Variants in PDE5A observed in about 807,000 individuals in gnomAD.
PDE5A encodes cGMP-specific 3',5'-cyclic phosphodiesterase.
A neutral mutation model predicts 110.2 loss-of-function variants in PDE5A; 67 were observed. That is an observed-to-expected ratio of 0.61 (90% CI 0.50 to 0.75). The LOEUF (loss-of-function observed/expected upper bound fraction) is 0.75, where lower values mean the gene tolerates loss of function less well. PDE5A is among the 30% of genes least tolerant of loss of function. PDE5A has a pLI of 0.00. For missense variants in PDE5A, 862 were observed against 1,045.1 expected (o/e 0.82, Z 2.42); for synonymous variants, 328 against 351.2 (o/e 0.93, Z 0.74).
At chr4:119,587,566 A>G (rs951329428) in intron 3 of PDE5A, among the ~76,000 whole-genome samples, 1 of 151,970 alleles carries the variant, frequency 6.6e-6, no homozygotes, top group South Asian at 2.1e-4. Context: ...TTGTATTTTT[A>G]GTAGAGACGG....
chr4:119,517,692 GTTT>G (rs377742398), intron 14 of PDE5A, among the ~76,000 whole-genome samples: 1 of 141,842 alleles, frequency 7.1e-6, no homozygotes, highest in South Asian at 2.3e-4. Context: ...ATAGTTGAGT[GTTT>G]TTTTTTTCAC....
chr4:119,504,710 G>A, intron 17 of PDE5A, 111 bp from the exon 18 acceptor site: 1 of 698,864 alleles, frequency 1.4e-6, no homozygotes, highest in Non-Finnish European at 2.3e-6. Context: ...CAATGGAAAT[G>A]GCAGTTTATA....
chr4:119,500,606 G>GACA (rs1725274263), intron 20 of PDE5A, among the ~76,000 whole-genome samples: 1 of 151,818 alleles, frequency 6.6e-6, no homozygotes, highest in African/African-American at 2.4e-5. Flanking sequence ...CAAAGACAAA[G>GACA]ACAACTTCTT....
At chr4:119,597,304 G>GTTTTTTTTTTTTTT (rs33944872) in intron 2 of PDE5A, among the ~76,000 whole-genome samples, 1 of 144,934 alleles carries the variant, frequency 6.9e-6, no homozygotes, top group Non-Finnish European at 1.5e-5. Context: ...CTCTGTGAGG[G>GTTTTTTTTTTTTTT]TTTTTTTTTT....
intron 14 of PDE5A, among the ~76,000 whole-genome samples, chr4:119,515,480 A>C (rs1401786525): frequency 6.6e-6 from 1 of 152,154 alleles, no homozygotes; most frequent in East Asian, 1.9e-4. Flanking sequence ...CCTTGAAAAA[A>C]ACACATTCGT....
rs917942885 is a variant in PDE5A, at chr4:119,563,101, A to C, written c.994-131T>G. The C allele has an allele frequency of 1.5e-5, 9 of 616,220 alleles. No homozygotes were observed. In the African/African-American group the frequency reaches 1.5e-4, roughly 11 times the overall value. The allele number at this position is 616,220 out of a possible 1,614,324, so 38.2% of individuals were successfully genotyped here. On this transcript the variant is annotated intron_variant, in intron 5 of 20. Transcript: ENST00000354960. ...ATCAAGTCTGCATTCAAATATAAATACGTCTCCACTTATTAACAAAATCCT... is the reference window on the plus strand; with the variant it reads ...ATCAAGTCTGCATTCAAATATAAATCCGTCTCCACTTATTAACAAAATCCT...
At chr4:119,611,390 A>C (rs1295367666) in intron 1 of PDE5A, among the ~76,000 whole-genome samples, 3 of 152,236 alleles carry the variant, frequency 2.0e-5, no homozygotes, top group Admixed American at 1.3e-4. Context: ...TGAATAAATA[A>C]ATGAAGCCTC....
At chr4:119,567,635 T>C (rs1727988961) in intron 3 of PDE5A, among the ~76,000 whole-genome samples, 1 of 152,146 alleles carries the variant, frequency 6.6e-6, no homozygotes, top group Admixed American at 6.6e-5. Context: ...CAAAAATAAT[T>C]CTTAATGTAG....
In PDE5A at chr4:119,563,078, C is replaced by T. The variant is rs145302104; in HGVS notation, c.994-108G>A. Reference sequence around the variant, plus strand: ...TTTATATAACCTAGCAGGTTATGATCAAGTCTGCATTCAAATATAAATACG... The same window carrying T: ...TTTATATAACCTAGCAGGTTATGATTAAGTCTGCATTCAAATATAAATACG... On this transcript the variant is annotated intron_variant, in intron 5 of 20. Coordinates refer to ENST00000354960, the MANE Select transcript of PDE5A (RefSeq NM_001083.4). The T allele has an allele frequency of 3.8e-3, 3,154 of 833,906 alleles. 47 individuals are homozygous for T. The highest frequency in any genetic ancestry group is 0.033 in the East Asian group (1,116 of 33,370). 51.7% of individuals were successfully genotyped at this position (833,906 alleles called of 1,614,324 possible).
intron 9 of PDE5A, among the ~76,000 whole-genome samples, chr4:119,545,017 A>AAC (rs2110489341): frequency 6.6e-6 from 1 of 151,728 alleles, no homozygotes; most frequent in Non-Finnish European, 1.5e-5. Context: ...GCTCTGGGGA[A>AAC]AACAACAACA....
In PDE5A at chr4:119,505,879, T is replaced by A. The variant is rs1725534334; in HGVS notation, c.2243A>T (p.Asp748Val). The A allele has an allele frequency of 6.4e-7, 1 of 1,570,296 alleles. No homozygotes were observed. The change falls in exon 17 of 21, where the codon GAT becomes GTT. Residue 748 changes from aspartate (D) to valine (V), a missense_variant. By Grantham distance (152) the Asp-to-Val change is radical (BLOSUM62 -3). Coordinates refer to ENST00000354960, the MANE Select transcript of PDE5A (RefSeq NM_001083.4). The stretch of plus-strand genomic sequence containing the variant: ...CAAAAACAACTCCTTTTGATGAGGA[T>A]CTTCCAAATTGAATTGATTTTTTCT... ...LIRKNQFNLEDPHQKELFLAM... is the reference protein window; with the variant it reads ...LIRKNQFNLEVPHQKELFLAM...
At position 119,607,131 on chromosome 4, in the gene PDE5A, C is replaced by A; in HGVS notation, c.319G>T (p.Asp107Tyr). Residue 107 changes from aspartate (D) to tyrosine (Y), a missense_variant, in exon 2 of 21, where the codon GAC (aspartate) becomes TAC (tyrosine). Coordinates refer to ENST00000354960, the MANE Select transcript of PDE5A (RefSeq NM_001083.4). ...ACAACAATGGGTCTAAGAGGCCGGTCAAATTCAGAGGCAGAGATTTTCCTG... is the reference window on the plus strand; with the variant it reads ...ACAACAATGGGTCTAAGAGGCCGGTAAAATTCAGAGGCAGAGATTTTCCTG... Reference protein sequence around the residue: ...PTRKISASEFDRPLRPIVVKD... With the variant: ...PTRKISASEFYRPLRPIVVKD... 6.2e-7 allele frequency: 1 copy of A among 1,614,156 alleles called. No individual in the cohort carries two copies. Among genetic ancestry groups the A allele is most frequent in the Non-Finnish European group, 8.5e-7 (1 of 1,180,036 alleles).
chr4:119,555,423 A>G (rs1412648185), intron 7 of PDE5A, among the ~76,000 whole-genome samples: 1 of 152,196 alleles, frequency 6.6e-6, no homozygotes, highest in African/African-American at 2.4e-5. Context: ...AAAAGGTTAT[A>G]TAAATGCAGG....
rs546218733 is a variant in PDE5A at position 119,566,537 on chromosome 4, G to A, written c.903+536C>T. The stretch of plus-strand genomic sequence containing the variant: ...GGAAGGTACTCCTTCAGAGTTGAAC[G>A]AGAAGTATAATAAAATAATGCTGGC... On this transcript the variant is annotated intron_variant, in intron 4 of 20. Coordinates refer to ENST00000354960, the MANE Select transcript of PDE5A (RefSeq NM_001083.4). 1.4e-4 allele frequency among the ~76,000 whole-genome samples: 21 copies of A among 152,244 alleles called. No homozygotes were observed. In the South Asian group the frequency reaches 3.9e-3, roughly 29 times the overall value.
chr4:119,520,828 T>C, intron 13 of PDE5A, 107 bp downstream of exon 13: 1 of 941,692 alleles, frequency 1.1e-6, no homozygotes, highest in South Asian at 2.0e-5. Context: ...GCAGCAAATA[T>C]TATTTTAAAT....
In PDE5A at chr4:119,525,728, T is replaced by C; in HGVS notation, c.1633-33A>G. ...AAGGAAAGAAGAAAAAAAAAAATGC[T>C]GTTAATTAAAGCAGCAGTGATTTGC... On this transcript the variant is annotated intron_variant, in intron 11 of 20. Transcript: ENST00000354960. This position sits in a 1 kb window ranked among gnomAD's most constrained non-coding sequence, Gnocchi z 4.3. The C allele has an allele frequency of 6.3e-7, 1 of 1,583,480 alleles. No individual in the cohort carries two copies. The highest frequency in any genetic ancestry group is 2.2e-5 in the East Asian group (1 of 44,564).
chr4:119,504,712 C>A (rs1399998925), intron 17 of PDE5A, 113 bp from the exon 18 acceptor site: 5 of 677,532 alleles, frequency 7.4e-6, no homozygotes, highest in South Asian at 2.3e-5. Context: ...ATGGAAATGG[C>A]AGTTTATAAA....
In PDE5A at chr4:119,565,442, G is replaced by A. The variant is rs1727896275; in HGVS notation, c.904-32C>T. The A allele has an allele frequency of 2.1e-6, 3 of 1,463,354 alleles. No homozygotes were observed. In the Admixed American group the frequency reaches 5.1e-5, roughly 25 times the overall value. The allele number at this position is 1,463,354 out of a possible 1,614,324, so 90.6% of individuals were successfully genotyped here. A position where few individuals can be genotyped will look rare whatever the true frequency, so the allele number is the denominator to read the frequency against. The stretch of plus-strand genomic sequence containing the variant: ...AACAGATAATAGACAAATAAAAACG[G>A]TACATAAAACAGTCTAGTTACATTG... On this transcript the variant is annotated intron_variant, in intron 4 of 20. Transcript: ENST00000354960.
At chr4:119,562,281 T>G (rs191686879) in intron 6 of PDE5A, among the ~76,000 whole-genome samples, 1 of 152,310 alleles carries the variant, frequency 6.6e-6, no homozygotes, top group African/African-American at 2.4e-5. Context: ...ACAAAATCAA[T>G]GGACTGAAAT....
Sources: allele counts gnomAD v4.1 joint callset (sites outside exome capture counted in the v4.1 genomes callset), GRCh38; gene constraint gnomAD v4.1.1; non-coding constraint Gnocchi (gnomAD v3.1); transcripts MANE v1.5; gene names NCBI Gene and HGNC (gene_info 2026-07-23, HGNC 2026-07-21).